The following TMEM50B variants were observed in gnomAD, a reference collection of about 807,000 sequenced individuals.
TMEM50B encodes transmembrane protein 50B.
Under a neutral mutation model 23.4 loss-of-function variants are expected in TMEM50B, and 14 were observed. That is an observed-to-expected ratio of 0.60 (90% CI 0.39 to 0.93). The LOEUF is 0.93. Among genes scored for constraint, TMEM50B ranks in the 40% least tolerant of loss-of-function variants. TMEM50B has a pLI of 0.00. For synonymous variants in TMEM50B, 64 were observed against 62.3 expected, an observed-to-expected ratio of 1.03 and a Z score of -0.13; for missense variants, 159 against 193.0, an observed-to-expected ratio of 0.82 and a Z score of 1.04.
intron 7 of TMEM50B, chr21:33,439,385 A>G (rs1308269544): frequency 3.3e-5 from 5 of 151,180 alleles, no homozygotes; most frequent in African/African-American, 7.3e-5. Flanking sequence ...GTGCCACCCC[A>G]TTTATTTATT....
intron 1 of TMEM50B, chr21:33,478,790 G>A (rs2084398350): frequency 2.1e-6 from 1 of 470,996 alleles, no homozygotes; most frequent in Non-Finnish European, 4.4e-6. Flanking sequence ...CGTTTGAAAT[G>A]CATGCAGGTT....
At chr21:33,464,218 A>G (rs1295285808) in intron 4 of TMEM50B, among the ~76,000 whole-genome samples, 1 of 143,462 alleles carries the variant, frequency 7.0e-6, no homozygotes, top group Non-Finnish European at 1.5e-5. Flanking sequence ...TTTTTTTGAG[A>G]CGGAGTTTCA....
chr21:33,464,602 T>TC (rs1202856608), intron 4 of TMEM50B, among the ~76,000 whole-genome samples: 1 of 148,846 alleles, frequency 6.7e-6, no homozygotes, highest in African/African-American at 2.4e-5. Flanking sequence ...GGTCGGGAGT[T>TC]CGAGACCAGC....
intron 8 of TMEM50B, among the ~76,000 whole-genome samples, chr21:33,434,521 C>G (rs1052041773): frequency 2.0e-5 from 3 of 151,838 alleles, no homozygotes; most frequent in Non-Finnish European, 4.4e-5. Context: ...GACTCCATCT[C>G]AAAAAAATAA....
chr21:33,443,404 C>CCACA (rs778155380), intron 7 of TMEM50B, among the ~76,000 whole-genome samples: 19,988 of 151,956 alleles, frequency 0.13, 1,378 homozygotes, highest in Admixed American at 0.18. Flanking sequence ...GGGTACATTC[C>CCACA]TGTAGGCTGT....
At chr21:33,459,681 A>AC (rs1256396951) in intron 5 of TMEM50B, among the ~76,000 whole-genome samples, 1 of 151,566 alleles carries the variant, frequency 6.6e-6, no homozygotes, top group Admixed American at 6.6e-5. Flanking sequence ...AAAAAAAAAA[A>AC]AAATTACAGG....
At chr21:33,469,018 T>C (rs1253557787) in intron 1 of TMEM50B, 92 bp from the exon 2 acceptor site, 6 of 679,030 alleles carry the variant, frequency 8.8e-6, no homozygotes, top group South Asian at 1.9e-5. Context: ...TACACACAAC[T>C]TTACTTTAGG....
At chr21:33,460,760 TA>T (rs2084210725) in intron 4 of TMEM50B, among the ~76,000 whole-genome samples, 1 of 152,080 alleles carries the variant, frequency 6.6e-6, no homozygotes, top group South Asian at 2.1e-4. Context: ...ATGCCCTAAT[TA>T]AAAAATTACA....
Position 33,460,508 on chromosome 21 carries a change from G to C in TMEM50B, c.281-3C>G. On this transcript the variant is annotated splice_polypyrimidine_tract_variant and splice_region_variant and intron_variant, in intron 4 of 6. Transcript: ENST00000542230. Reference sequence around the variant, plus strand: ...AATGAAAAGCCAAACTCGAGCACCTGTGTAGAGAAGAGGCTTTATGATTTT... The same window carrying C: ...AATGAAAAGCCAAACTCGAGCACCTCTGTAGAGAAGAGGCTTTATGATTTT... 1.3e-6 allele frequency: 2 copies of C among 1,588,380 alleles called. No individual in the cohort carries two copies. Among genetic ancestry groups the C allele is most frequent in the Non-Finnish European group, 1.7e-6 (2 of 1,167,608 alleles).
intron 1 of TMEM50B, 60 bp from the exon 2 acceptor site, chr21:33,468,986 C>A (rs2084288794): frequency 7.1e-6 from 6 of 850,258 alleles, no homozygotes; most frequent in Non-Finnish European, 1.1e-5. Flanking sequence ...AAGTAAAATA[C>A]CTTACTCCTT....
At chr21:33,432,888 CTCTT>C (rs747852852) in intron 8 of TMEM50B, 95 of 1,339,940 alleles carry the variant, frequency 7.1e-5, no homozygotes, top group Non-Finnish European at 7.8e-5. Flanking sequence ...GTGCACACAT[CTCTT>C]TTTTTTTTTT....
chr21:33,456,099 T>G (rs1232749099), intron 5 of TMEM50B: 1 of 594,162 alleles, frequency 1.7e-6, no homozygotes, highest in Admixed American at 2.2e-5. Context: ...TGGCCAACAC[T>G]GAAATGCAAA....
chr21:33,442,323 T>C, intron 7 of TMEM50B, among the ~76,000 whole-genome samples: 1 of 152,046 alleles, frequency 6.6e-6, no homozygotes, highest in East Asian at 1.9e-4. Context: ...TTGTTTCCAG[T>C]CTGTGGTGAG....
intron 8 of TMEM50B, among the ~76,000 whole-genome samples, chr21:33,436,418 C>T (rs2123383027): frequency 6.6e-6 from 1 of 151,900 alleles, no homozygotes; most frequent in Non-Finnish European, 1.5e-5. Context: ...AATAAAATAA[C>T]TATACCAATT....
At chr21:33,466,905 T>C (rs2084269219) in intron 3 of TMEM50B, 105 bp downstream of exon 3, 6 of 816,668 alleles carry the variant, frequency 7.3e-6, no homozygotes, top group East Asian at 2.7e-5. Context: ...TGTTAAAAAA[T>C]AGTCTATCAA....
chr21:33,443,045 C>T (rs2084021906), intron 7 of TMEM50B, among the ~76,000 whole-genome samples: 1 of 152,118 alleles, frequency 6.6e-6, no homozygotes, highest in African/African-American at 2.4e-5. Context: ...CAACTCGTTT[C>T]ATTTCTACAT....
At chr21:33,461,619 C>G (rs970817072) in intron 4 of TMEM50B, among the ~76,000 whole-genome samples, 1 of 151,926 alleles carries the variant, frequency 6.6e-6, no homozygotes, top group African/African-American at 2.4e-5. Context: ...GCCTGGGCAA[C>G]ATGGTAAAAC....
At chr21:33,477,754 T>G (rs1181008628) in intron 1 of TMEM50B, among the ~76,000 whole-genome samples, 1 of 150,432 alleles carries the variant, frequency 6.6e-6, no homozygotes, top group Non-Finnish European at 1.5e-5. Flanking sequence ...GAGGTTGCAG[T>G]GAGCCACGAT....
chr21:33,458,521 C>A (rs1008022955), intron 5 of TMEM50B, among the ~76,000 whole-genome samples: 3 of 152,114 alleles, frequency 2.0e-5, no homozygotes, highest in African/African-American at 7.2e-5. Context: ...CTCAAAAAAA[C>A]ACTTTCCTAT....
Sources: gnomAD v4.1 joint callset for allele counts (sites outside exome capture counted in the v4.1 genomes callset) on GRCh38, gnomAD v4.1.1 for gene constraint, MANE v1.5 for transcripts, NCBI Gene and HGNC (gene_info 2026-07-23, HGNC 2026-07-21) for gene names.